The following AGK variants were observed in gnomAD, a reference collection of about 807,000 sequenced individuals.
The protein encoded by AGK is acylglycerol kinase, mitochondrial.
AGK carries 52 observed loss-of-function variants against 66.4 expected under a neutral mutation model. The ratio of observed to expected loss-of-function variants is 0.78; its 90% CI spans 0.63 to 0.99. The LOEUF is 0.99. AGK is among the 50% of genes least tolerant of loss of function. AGK has a pLI of 0.00. For missense variants in AGK, 451 were observed against 506.6 expected, an observed-to-expected ratio of 0.89 and a Z score of 1.05; for synonymous variants, 182 against 181.1, an observed-to-expected ratio of 1.00 and a Z score of -0.04.
Position 141,568,218 on chromosome 7 carries a change from A to G in AGK, c.101+12651A>G, listed in dbSNP as rs150779177. ...TTCATATGTAACAAGACAGCTTGGA[A>G]AAGTATAGTTTCAAGACTGACCCAA... On this transcript the variant is annotated intron_variant, in intron 2 of 15. Transcript: ENST00000649286. 1.6e-4 allele frequency among the ~76,000 whole-genome samples: 25 copies of G among 152,290 alleles called. No homozygotes were observed. The East Asian group carries it at 4.8e-3, about 29-fold the overall frequency.
At chr7:141,631,862 T>C (rs1280867302) in intron 9 of AGK, among the ~76,000 whole-genome samples, 1 of 152,204 alleles carries the variant, frequency 6.6e-6, no homozygotes, top group Non-Finnish European at 1.5e-5. Flanking sequence ...CCGGCCTCAT[T>C]TGGATTTCTC....
rs2116839893 is a variant in AGK at position 141,553,389 on chromosome 7, T to C, written c.-15+1955T>C. Among the ~76,000 whole-genome samples, 5 of 152,320 alleles carry C rather than the reference T, an allele frequency of 3.3e-5. 1 individual carries two copies. In the Middle Eastern group the frequency reaches 0.017, roughly 518 times the overall value. On this transcript the variant is annotated intron_variant, in intron 1 of 15. Coordinates refer to ENST00000649286, the MANE Select transcript of AGK (RefSeq NM_018238.4). Reference sequence around the variant, plus strand: ...ACTTTAGTGATTTCCTCCTCATTATTCAAGGCTCAGGGAAGACTTCATTGA... The same window carrying C: ...ACTTTAGTGATTTCCTCCTCATTATCCAAGGCTCAGGGAAGACTTCATTGA...
chr7:141,617,659 T>C (rs1796737473), intron 8 of AGK, among the ~76,000 whole-genome samples: 1 of 152,216 alleles, frequency 6.6e-6, no homozygotes, highest in Non-Finnish European at 1.5e-5. Flanking sequence ...AACTTTTAGT[T>C]ATTGGCAGGA....
chr7:141,579,725 T>G (rs1179617031), intron 2 of AGK, among the ~76,000 whole-genome samples: 1 of 151,980 alleles, frequency 6.6e-6, no homozygotes, highest in African/African-American at 2.4e-5. Flanking sequence ...TGAGAGGTTC[T>G]AAGAGACGGG....
chr7:141,619,985 T>C (rs1796789789), intron 8 of AGK, among the ~76,000 whole-genome samples: 1 of 152,204 alleles, frequency 6.6e-6, no homozygotes, highest in Non-Finnish European at 1.5e-5. Flanking sequence ...AGTACATCCA[T>C]ACAATGGAAT....
intron 5 of AGK, 44 bp from the exon 6 acceptor site, chr7:141,611,151 G>T: frequency 7.5e-7 from 1 of 1,330,752 alleles, no homozygotes; most frequent in Non-Finnish European, 1.1e-6. Context: ...TAACCTTGTG[G>T]CTCTAGGTTG....
intron 1 of AGK, among the ~76,000 whole-genome samples, chr7:141,553,493 G>A (rs948309651): frequency 9.2e-5 from 14 of 152,146 alleles, no homozygotes; most frequent in African/African-American, 2.9e-4. Flanking sequence ...CTGACTCCTC[G>A]ACATTTATCC....
intron 13 of AGK, 52 bp from the exon 14 acceptor site, chr7:141,649,211 T>C: frequency 8.0e-7 from 1 of 1,247,022 alleles, no homozygotes; most frequent in Non-Finnish European, 1.2e-6. Flanking sequence ...GACAACAGGC[T>C]GCATTAGCCA....
In AGK at chr7:141,597,322, T is replaced by C. The variant is rs1162345845; in HGVS notation, c.221+681T>C. 2.0e-5 allele frequency: 3 copies of C among 152,308 alleles called. No individual in the cohort carries two copies. The South Asian group carries it at 6.2e-4, about 32-fold the overall frequency. 9.4% of individuals were successfully genotyped at this position (152,308 alleles called of 1,614,324 possible). A position where few individuals can be genotyped will look rare whatever the true frequency, so the allele number is the denominator to read the frequency against. ...CACACTAAAACGTGGAGAGGCTGTA[T>C]GTGGGGGTGGGGAGTGGGTGTGTGG... On this transcript the variant is annotated intron_variant, in intron 4 of 15. Transcript: ENST00000649286.
chr7:141,610,477 A>G (rs1796561609), intron 5 of AGK, among the ~76,000 whole-genome samples: 1 of 152,212 alleles, frequency 6.6e-6, no homozygotes, highest in Non-Finnish European at 1.5e-5. Context: ...ATTGAAGTCT[A>G]TGTATGTATC....
intron 8 of AGK, among the ~76,000 whole-genome samples, chr7:141,618,289 G>A (rs2116968759): frequency 6.6e-6 from 1 of 152,262 alleles, no homozygotes; most frequent in South Asian, 2.1e-4. Context: ...GGTTAAGTTA[G>A]CACATCTTTG....
chr7:141,605,008 C>T (rs1039558866), intron 5 of AGK, among the ~76,000 whole-genome samples: 2 of 150,620 alleles, frequency 1.3e-5, no homozygotes, highest in Non-Finnish European at 3.0e-5. Context: ...GGTTTATCTA[C>T]TGTTTTGTTA....
intron 3 of AGK, chr7:141,593,437 C>G (rs1796164506): frequency 4.3e-6 from 3 of 699,760 alleles, no homozygotes; most frequent in South Asian, 3.0e-5. Context: ...GAACACAGAA[C>G]TGGACTGGTA....
chr7:141,651,007 T>A (rs1347972052), intron 14 of AGK, among the ~76,000 whole-genome samples: 1 of 152,168 alleles, frequency 6.6e-6, no homozygotes, highest in Non-Finnish European at 1.5e-5. Flanking sequence ...AAATATGTAT[T>A]CTCTATCCTC....
intron 13 of AGK, among the ~76,000 whole-genome samples, chr7:141,646,250 A>G (rs1329978262): frequency 6.6e-6 from 1 of 152,142 alleles, no homozygotes; most frequent in African/African-American, 2.4e-5. Flanking sequence ...GAGTACTGAC[A>G]GGTGCATGCA....
chr7:141,647,706 T>C (rs891227188), intron 13 of AGK, among the ~76,000 whole-genome samples: 1 of 152,162 alleles, frequency 6.6e-6, no homozygotes, highest in Non-Finnish European at 1.5e-5. Context: ...GTTTGACTCT[T>C]GTCACCCAGG....
chr7:141,570,081 C>G (rs1209501161), intron 2 of AGK, among the ~76,000 whole-genome samples: 3 of 152,080 alleles, frequency 2.0e-5, no homozygotes, highest in Admixed American at 1.3e-4. Context: ...GCTCCTGGCA[C>G]ATATTAAAAA....
At chr7:141,578,948 T>A (rs1358539192) in intron 2 of AGK, among the ~76,000 whole-genome samples, 1 of 149,610 alleles carries the variant, frequency 6.7e-6, no homozygotes, top group Non-Finnish European at 1.5e-5. Context: ...AGATATCAGC[T>A]ATGATGGCTT....
At chr7:141,633,019 A>C (rs1489077412) in intron 9 of AGK, among the ~76,000 whole-genome samples, 1 of 152,182 alleles carries the variant, frequency 6.6e-6, no homozygotes, top group Non-Finnish European at 1.5e-5. Context: ...AGCGACTTGC[A>C]CTGCCAAGGA....
Sources: gnomAD v4.1 joint callset for allele counts (sites outside exome capture counted in the v4.1 genomes callset) on GRCh38, gnomAD v4.1.1 for gene constraint, MANE v1.5 for transcripts, NCBI Gene and HGNC (gene_info 2026-07-23, HGNC 2026-07-21) for gene names.